The following CHCHD3 variants were observed in gnomAD, a reference collection of about 807,000 sequenced individuals.
CHCHD3 encodes the protein coiled-coil-helix-coiled-coil-helix domain containing 3, also known as MICOS complex subunit MIC19.
Under a neutral mutation model 38.2 loss-of-function variants are expected in CHCHD3, and 20 were observed. That is an observed-to-expected ratio of 0.52 (90% CI 0.37 to 0.76). The LOEUF is 0.76. Ranked by LOEUF, CHCHD3 falls within the 30% of genes least tolerant of loss-of-function variation. CHCHD3 has a pLI of 0.00. For synonymous variants in CHCHD3, 82 were observed against 100.0 expected (o/e 0.82, Z 1.07); for missense variants, 245 against 279.2 (o/e 0.88, Z 0.87).
intron 3 of CHCHD3, among the ~76,000 whole-genome samples, chr7:132,989,932 G>A (rs995488862): frequency 4.6e-5 from 7 of 152,144 alleles, no homozygotes; most frequent in African/African-American, 1.4e-4. Context: ...GGTGGGAATG[G>A]GGAGGTAAAG....
chr7:132,974,173 T>G, intron 4 of CHCHD3: 1 of 461,156 alleles, frequency 2.2e-6, no homozygotes, highest in Non-Finnish European at 3.4e-6. Context: ...TAGCATTATC[T>G]AAATGTTTCA....
chr7:132,907,964 A>T (rs1809838223), intron 4 of CHCHD3, among the ~76,000 whole-genome samples: 2 of 152,236 alleles, frequency 1.3e-5, no homozygotes, highest in South Asian at 2.1e-4. Flanking sequence ...AATGTACAAG[A>T]ATTAACACAA....
chr7:132,983,025 T>C (rs968176458), intron 3 of CHCHD3, among the ~76,000 whole-genome samples: 12 of 152,120 alleles, frequency 7.9e-5, no homozygotes, highest in African/African-American at 2.4e-4. Context: ...GAATCTATTA[T>C]TAAAAAGTTA....
intron 2 of CHCHD3, among the ~76,000 whole-genome samples, chr7:133,029,239 C>A (rs1356781977): frequency 6.6e-6 from 1 of 152,050 alleles, no homozygotes; most frequent in African/African-American, 2.4e-5. Context: ...GTAATGATTA[C>A]CACAAATATA....
intron 5 of CHCHD3, among the ~76,000 whole-genome samples, chr7:132,848,038 G>A (rs557873154): frequency 1.3e-5 from 2 of 152,296 alleles, no homozygotes; most frequent in South Asian, 2.1e-4. Flanking sequence ...TTAGCACCAA[G>A]AGAATGGTGG....
intron 6 of CHCHD3, among the ~76,000 whole-genome samples, chr7:132,817,268 C>A (rs1807224581): frequency 6.6e-6 from 1 of 151,434 alleles, no homozygotes; most frequent in Non-Finnish European, 1.5e-5. Flanking sequence ...GAGATGCCTT[C>A]CCCCAACAAT....
intron 5 of CHCHD3, among the ~76,000 whole-genome samples, chr7:132,860,304 GAGAGAGAGAGAA>G (rs1808454465): frequency 1.1e-5 from 1 of 93,270 alleles, no homozygotes; most frequent in Non-Finnish European, 2.1e-5. Flanking sequence ...TAGATAGATA[GAGAGAGAGAGAA>G]AGAGAGAGAG....
At chr7:132,810,752 C>A (rs1807048929) in intron 6 of CHCHD3, among the ~76,000 whole-genome samples, 1 of 152,208 alleles carries the variant, frequency 6.6e-6, no homozygotes, top group Admixed American at 6.5e-5. Flanking sequence ...AGTTTTACAT[C>A]TCCCTAAGGG....
intron 4 of CHCHD3, among the ~76,000 whole-genome samples, chr7:132,910,251 G>A (rs896912443): frequency 2.0e-5 from 3 of 152,070 alleles, no homozygotes; most frequent in Non-Finnish European, 4.4e-5. Context: ...AAGGGCAGGG[G>A]GTATTTCTTT....
intron 4 of CHCHD3, among the ~76,000 whole-genome samples, chr7:132,904,102 TAAAA>T (rs765892174): frequency 6.6e-6 from 1 of 150,912 alleles, no homozygotes; most frequent in South Asian, 2.1e-4. Flanking sequence ...ACAAAAGATT[TAAAA>T]AAAAATCAGC....
At chr7:132,924,490 G>T (rs1810330683) in intron 4 of CHCHD3, among the ~76,000 whole-genome samples, 1 of 152,058 alleles carries the variant, frequency 6.6e-6, no homozygotes, top group Non-Finnish European at 1.5e-5. Flanking sequence ...GCCCTACCAC[G>T]ACTTGAAATT....
At chr7:132,925,013 T>C (rs897601926) in intron 4 of CHCHD3, among the ~76,000 whole-genome samples, 2 of 152,162 alleles carry the variant, frequency 1.3e-5, no homozygotes, top group Admixed American at 6.5e-5. Flanking sequence ...CAAAATGACA[T>C]GCTCAAATGA....
intron 4 of CHCHD3, among the ~76,000 whole-genome samples, chr7:132,922,947 A>G (rs1488534552): frequency 3.3e-5 from 5 of 152,170 alleles, no homozygotes; most frequent in Admixed American, 6.5e-5. Context: ...GAGCATTAAA[A>G]CTTACATGTA....
chr7:132,993,033 C>T (rs28629389), intron 3 of CHCHD3, among the ~76,000 whole-genome samples: 67,515 of 152,010 alleles, frequency 0.44, 15,262 homozygotes, highest in East Asian at 0.55. Context: ...TTCTAGCTTC[C>T]AGTCTGGCAG....
At chr7:132,998,065 C>G (rs907017627) in intron 3 of CHCHD3, among the ~76,000 whole-genome samples, 5 of 152,154 alleles carry the variant, frequency 3.3e-5, no homozygotes, top group Admixed American at 3.3e-4. Flanking sequence ...GCTTCCTCTG[C>G]AATCCATTTT....
At chr7:133,065,022 T>C (rs1179086360) in intron 2 of CHCHD3, among the ~76,000 whole-genome samples, 1 of 152,194 alleles carries the variant, frequency 6.6e-6, no homozygotes. Flanking sequence ...ATTGATTTTT[T>C]AAAATCAAAA....
At chr7:132,817,761 ACAGGAGGATCACTTGACC>A (rs1244002440) in intron 6 of CHCHD3, among the ~76,000 whole-genome samples, 3 of 151,992 alleles carry the variant, frequency 2.0e-5, no homozygotes, top group East Asian at 3.9e-4. Flanking sequence ...GGAGGCTGAG[ACAGGAGGATCACTTGACC>A]CAGGAGGATC....
intron 6 of CHCHD3, among the ~76,000 whole-genome samples, chr7:132,808,894 C>A (rs185065713): frequency 1.4e-5 from 2 of 142,948 alleles, no homozygotes; most frequent in East Asian, 2.2e-4. Context: ...CCTCCCCCCA[C>A]GAAACTGGAA....
chr7:132,985,797 G>A lies in CHCHD3; in HGVS notation c.252-10511C>T, dbSNP rs561407358. Among the ~76,000 whole-genome samples, 12 of 93,440 alleles carry A rather than the reference G, an allele frequency of 1.3e-4. No homozygotes were observed. The South Asian group carries it at 3.6e-3, about 28-fold the overall frequency. The allele number at this position is 93,440 out of a possible 152,430, so 61.3% of individuals were successfully genotyped here. A position where few individuals can be genotyped will look rare whatever the true frequency, so the allele number is the denominator to read the frequency against. ...AGGGAGGCGGGGGGGTCAGCCCCCC[G>A]CCCGGCCAGCCGCCCCGTCCGGGAG... On this transcript the variant is annotated intron_variant, in intron 3 of 7. Coordinates refer to ENST00000262570, the MANE Select transcript of CHCHD3 (RefSeq NM_017812.4).
Sources: allele counts gnomAD v4.1 joint callset (sites outside exome capture counted in the v4.1 genomes callset), GRCh38; gene constraint gnomAD v4.1.1; transcripts MANE v1.5; gene names NCBI Gene and HGNC (gene_info 2026-07-23, HGNC 2026-07-21).